Variants in MALRD1 observed in about 807,000 individuals in gnomAD.
MALRD1 encodes the protein MAM and LDL-receptor class A domain-containing protein 1.
Under a neutral mutation model 242.1 loss-of-function variants are expected in MALRD1, and 247 were observed. The observed-to-expected ratio is 1.02, with a 90% CI of 0.92 to 1.13. The LOEUF is 1.13. MALRD1 is among the 50% of genes most tolerant of loss of function. MALRD1 has a pLI of 0.00. For missense variants in MALRD1, 2,989 were observed against 2,533.1 expected (o/e 1.18, Z -3.86); for synonymous variants, 995 against 866.6 (o/e 1.15, Z -2.60).
chr10:19,099,896 G>T (rs535390795), intron 4 of MALRD1, among the ~76,000 whole-genome samples: 1 of 151,740 alleles, frequency 6.6e-6, no homozygotes, highest in African/African-American at 2.4e-5. Flanking sequence ...CCGAGGCTGG[G>T]ATTACAGGTG....
intron 10 of MALRD1, among the ~76,000 whole-genome samples, chr10:19,139,145 A>G (rs1327280167): frequency 6.6e-6 from 1 of 152,222 alleles, no homozygotes; most frequent in East Asian, 1.9e-4. Flanking sequence ...TCATGTAAAT[A>G]TATATACAAT....
At chr10:19,339,349 C>T (rs1396675678) in intron 24 of MALRD1, among the ~76,000 whole-genome samples, 1 of 152,088 alleles carries the variant, frequency 6.6e-6, no homozygotes, top group Admixed American at 6.6e-5. Flanking sequence ...ATATTTTTCT[C>T]GTGGCATCTT....
Position 19,276,199 on chromosome 10 carries a change from C to T in MALRD1, c.3080-3848C>T, listed in dbSNP as rs568894595. 4.6e-5 allele frequency among the ~76,000 whole-genome samples: 7 copies of T among 152,240 alleles called. No homozygotes were observed. In the South Asian group the frequency reaches 1.4e-3, roughly 32 times the overall value. The stretch of plus-strand genomic sequence containing the variant: ...CCTGCTTTGGTTAAAGGCAAACTTT[C>T]ATTGAAACTTTGACAAAATACGTCA... On this transcript the variant is annotated intron_variant, in intron 19 of 39. Coordinates refer to ENST00000454679, the MANE Select transcript of MALRD1 (RefSeq NM_001142308.3).
rs186505988 is a variant in MALRD1 at position 19,319,111 on chromosome 10, A to G, written c.3420-4838A>G. Among the ~76,000 whole-genome samples, 133 of 152,136 alleles carry G rather than the reference A, an allele frequency of 8.7e-4. 1 individual carries two copies. Among genetic ancestry groups the G allele is most frequent in the Middle Eastern group, 3.4e-3 (1 of 294 alleles). ...CTCCCATTGACTGGTTGGCCTTTAC[A>G]TCATATTGATTTTTATGATAAACAG... On this transcript the variant is annotated intron_variant, in intron 21 of 39. Transcript: ENST00000454679.
intron 18 of MALRD1, among the ~76,000 whole-genome samples, chr10:19,239,328 C>T (rs968569286): frequency 6.6e-6 from 1 of 151,904 alleles, no homozygotes; most frequent in Non-Finnish European, 1.5e-5. Flanking sequence ...CCAGTTTTGC[C>T]CATTTTTAAA....
At chr10:19,155,254 GC>G in intron 12 of MALRD1, 82 bp downstream of exon 12, 1 of 661,152 alleles carries the variant, frequency 1.5e-6, no homozygotes, top group African/African-American at 1.9e-5. Flanking sequence ...GTAATTGCCC[GC>G]CATGTTTTAC....
At chr10:19,085,724 G>T (rs907049902) in intron 2 of MALRD1, among the ~76,000 whole-genome samples, 2 of 151,718 alleles carry the variant, frequency 1.3e-5, no homozygotes, top group African/African-American at 4.8e-5. Context: ...ACTGAAAAAT[G>T]CTACTTTTAT....
intron 14 of MALRD1, among the ~76,000 whole-genome samples, chr10:19,198,701 CCAT>C (rs1836375240): frequency 6.6e-6 from 1 of 152,030 alleles, no homozygotes; most frequent in African/African-American, 2.4e-5. Flanking sequence ...ACCCTTTAAG[CCAT>C]GGGTAGAATA....
At chr10:19,498,783 A>C in intron 31 of MALRD1, 137 bp downstream of exon 31, 1 of 1,034,498 alleles carries the variant, frequency 9.7e-7, no homozygotes, top group East Asian at 2.6e-5. Flanking sequence ...AAAGAGGGCT[A>C]GTCTCTTCTA....
At chr10:19,161,775 A>T (rs559871134) in intron 12 of MALRD1, among the ~76,000 whole-genome samples, 1 of 152,274 alleles carries the variant, frequency 6.6e-6, no homozygotes, top group South Asian at 2.1e-4. Flanking sequence ...CTGGCCTGTA[A>T]TCCCAGCACT....
intron 36 of MALRD1, among the ~76,000 whole-genome samples, chr10:19,638,964 G>C (rs34456682): frequency 1.1e-3 from 173 of 151,992 alleles, no homozygotes; most frequent in Admixed American, 2.0e-3. Flanking sequence ...CTCAAAATTT[G>C]CTTTATCTCG....
At chr10:19,500,772 T>C (rs552695729) in intron 31 of MALRD1, among the ~76,000 whole-genome samples, 187 of 152,276 alleles carry the variant, frequency 1.2e-3, no homozygotes, top group African/African-American at 4.3e-3. Context: ...GCAGAAATAA[T>C]GGGAAATAAA....
chr10:19,393,814 A>G (rs1846454301), intron 28 of MALRD1, among the ~76,000 whole-genome samples: 1 of 152,156 alleles, frequency 6.6e-6, no homozygotes, highest in African/African-American at 2.4e-5. Flanking sequence ...AAGTAATTTC[A>G]GGGAAATTTT....
At chr10:19,650,906 A>T (rs1039172132) in intron 36 of MALRD1, among the ~76,000 whole-genome samples, 1 of 152,172 alleles carries the variant, frequency 6.6e-6, no homozygotes, top group African/African-American at 2.4e-5. Context: ...TTGGCCTGAC[A>T]GTCAATCCTG....
chr10:19,681,198 G>C (rs554018825), intron 36 of MALRD1, among the ~76,000 whole-genome samples: 1 of 152,188 alleles, frequency 6.6e-6, no homozygotes, highest in Non-Finnish European at 1.5e-5. Flanking sequence ...TTGAATGTTG[G>C]TCTGTCTTGC....
intron 33 of MALRD1, among the ~76,000 whole-genome samples, chr10:19,576,944 A>T (rs1589258146): frequency 6.9e-6 from 1 of 144,366 alleles, no homozygotes; most frequent in African/African-American, 2.5e-5. Flanking sequence ...GTTCCTCCTC[A>T]TTGAAAAATC....
intron 36 of MALRD1, among the ~76,000 whole-genome samples, chr10:19,649,781 T>G (rs1409111855): frequency 6.6e-6 from 1 of 152,192 alleles, no homozygotes; most frequent in Non-Finnish European, 1.5e-5. Context: ...TTTGGTGTCT[T>G]TGTCATAAAA....
chr10:19,605,822 T>G (rs1204432654), intron 34 of MALRD1, among the ~76,000 whole-genome samples: 1 of 152,108 alleles, frequency 6.6e-6, no homozygotes, highest in African/African-American at 2.4e-5. Flanking sequence ...TCCTGTATTG[T>G]TGTTCTCTTG....
At chr10:19,682,483 G>A (rs925381515) in intron 36 of MALRD1, among the ~76,000 whole-genome samples, 9 of 152,174 alleles carry the variant, frequency 5.9e-5, no homozygotes, top group Non-Finnish European at 1.3e-4. Flanking sequence ...TCCTCTTCAT[G>A]TTAAGAAAAC....
Sources: gnomAD v4.1 joint callset for allele counts (sites outside exome capture counted in the v4.1 genomes callset) on GRCh38, gnomAD v4.1.1 for gene constraint, MANE v1.5 for transcripts, NCBI Gene and HGNC (gene_info 2026-07-23, HGNC 2026-07-21) for gene names.